FGF2: variants seen among roughly 807,000 people sequenced by gnomAD.
FGF2 encodes fibroblast growth factor 2, also known as basic fibroblast growth factor bFGF.
A neutral mutation model predicts 15.9 loss-of-function variants in FGF2; 13 were observed. The ratio of observed to expected loss-of-function variants is 0.82; its 90% CI spans 0.53 to 1.30. The LOEUF is 1.30. FGF2 is among the 50% of genes most tolerant of loss of function. FGF2 has a pLI of 0.00. For synonymous variants in FGF2, 90 were observed against 78.4 expected, an observed-to-expected ratio of 1.15 and a Z score of -0.78; for missense variants, 163 against 196.9, an observed-to-expected ratio of 0.83 and a Z score of 1.03.
At chr4:122,885,769 A>G (rs756254002) in intron 2 of FGF2, among the ~76,000 whole-genome samples, 13 of 152,012 alleles carry the variant, frequency 8.6e-5, no homozygotes, top group Admixed American at 3.3e-4. Context: ...CCAGGATACC[A>G]TATTTAGTCA....
chr4:122,892,194 C>G lies in FGF2; in HGVS notation c.283-17C>G. ...ATAATGATAATAATAACAGGTAATT[C>G]TTCCTTTATTTTTCAGAAATGTGTT... On this transcript the variant is annotated splice_polypyrimidine_tract_variant and intron_variant, in intron 2 of 2. Transcript: ENST00000644866. 1 of 1,577,288 alleles carries G rather than the reference C, an allele frequency of 6.3e-7. No individual in the cohort carries two copies. The highest frequency in any genetic ancestry group is 8.7e-7 in the Non-Finnish European group (1 of 1,146,762).
intron 1 of FGF2, among the ~76,000 whole-genome samples, chr4:122,866,367 CAA>C (rs60127443): frequency 7.6e-6 from 1 of 132,164 alleles, no homozygotes; most frequent in Non-Finnish European, 1.6e-5. Context: ...GACTCCGTCT[CAA>C]AAAAAAAAAA....
At chr4:122,841,577 T>C (rs1725984497) in intron 1 of FGF2, among the ~76,000 whole-genome samples, 1 of 152,234 alleles carries the variant, frequency 6.6e-6, no homozygotes, top group Non-Finnish European at 1.5e-5. Context: ...ACTGGAATTA[T>C]GCTTTTCCTC....
chr4:122,868,756 T>C (rs1259570720), intron 1 of FGF2, among the ~76,000 whole-genome samples: 1 of 152,242 alleles, frequency 6.6e-6, no homozygotes, highest in Non-Finnish European at 1.5e-5. Context: ...TGTTTCTATT[T>C]CTCCACAGCC....
intron 1 of FGF2, among the ~76,000 whole-genome samples, chr4:122,873,014 T>G (rs1268932397): frequency 6.6e-6 from 1 of 152,200 alleles, no homozygotes; most frequent in Non-Finnish European, 1.5e-5. Context: ...AGAATCAAAT[T>G]CACACATTTT....
chr4:122,875,634 C>T (rs1187307787), intron 1 of FGF2, among the ~76,000 whole-genome samples: 4 of 152,036 alleles, frequency 2.6e-5, no homozygotes, highest in African/African-American at 7.2e-5. Flanking sequence ...GGTGAAACCG[C>T]GTCTCTACTA....
At chr4:122,842,339 G>A (rs1726006082) in intron 1 of FGF2, among the ~76,000 whole-genome samples, 1 of 152,202 alleles carries the variant, frequency 6.6e-6, no homozygotes, top group African/African-American at 2.4e-5. Context: ...TGAGGAGAGG[G>A]TGCATAGCAT....
At chr4:122,866,365 C>CT (rs1383011857) in intron 1 of FGF2, among the ~76,000 whole-genome samples, 4 of 55,234 alleles carry the variant, frequency 7.2e-5, no homozygotes, top group Non-Finnish European at 1.3e-4. Context: ...GAGACTCCGT[C>CT]TCAAAAAAAA....
intron 1 of FGF2, among the ~76,000 whole-genome samples, chr4:122,866,375 A>AT (rs1726586858): frequency 6.9e-6 from 1 of 145,666 alleles, no homozygotes; most frequent in Admixed American, 6.8e-5. Context: ...CTCAAAAAAA[A>AT]AAAAAATAAA....
chr4:122,861,939 G>C (rs894980859), intron 1 of FGF2, among the ~76,000 whole-genome samples: 22 of 152,066 alleles, frequency 1.4e-4, no homozygotes, highest in Admixed American at 1.4e-3. Context: ...CTGCTTCCAG[G>C]AAACCTCTCT....
chr4:122,866,257 ACTCGGGAGGCTGAGG>A (rs984007822), intron 1 of FGF2, among the ~76,000 whole-genome samples: 4 of 151,906 alleles, frequency 2.6e-5, no homozygotes, highest in Middle Eastern at 3.4e-3. Flanking sequence ...AGTCCCAACT[ACTCGGGAGGCTGAGG>A]CAGGAGAATG....
rs919849869 is a variant in FGF2 at position 122,896,368 on chromosome 4, C to A, written c.*3972C>A. On this transcript the variant is annotated 3_prime_UTR_variant, in exon 3 of 3. Coordinates refer to ENST00000644866, the MANE Select transcript of FGF2 (RefSeq NM_001361665.2). ...CCATAAGAGTTCACATGAAAAAAAT[C>A]AATTTATTTGAAAAGGCAAGATGCA... 6.6e-6 allele frequency: 1 copy of A among 152,480 alleles called. No individual in the cohort carries two copies. Among genetic ancestry groups the A allele is most frequent in the Non-Finnish European group, 1.5e-5 (1 of 68,026 alleles). 9.4% of individuals were successfully genotyped at this position (152,480 alleles called of 1,614,324 possible).
rs1209097361 is a variant in FGF2, at chr4:122,896,578, ATCTT to A, written c.*4184_*4187del. 1 of 152,202 alleles carries A rather than the reference ATCTT, an allele frequency of 6.6e-6. No homozygotes were observed. The highest frequency in any genetic ancestry group is 1.5e-5 in the Non-Finnish European group (1 of 68,024). The allele number at this position is 152,202 out of a possible 1,614,324, so 9.4% of individuals were successfully genotyped here. On this transcript the variant is annotated 3_prime_UTR_variant, in exon 3 of 3. Transcript: ENST00000644866. ...TCAGCATTCACACCACTACAAAATC[ATCTT>A]TTATATCAACAGAAGAATAAGCATA...
At chr4:122,872,673 C>T (rs1235106953) in intron 1 of FGF2, among the ~76,000 whole-genome samples, 1 of 152,194 alleles carries the variant, frequency 6.6e-6, no homozygotes, top group Non-Finnish European at 1.5e-5. Flanking sequence ...TAACAGCAGA[C>T]CTCTCAGCAG....
At chr4:122,885,521 G>A (rs956009100) in intron 2 of FGF2, among the ~76,000 whole-genome samples, 3 of 152,104 alleles carry the variant, frequency 2.0e-5, no homozygotes, top group African/African-American at 7.2e-5. Flanking sequence ...TGTAGCCCTA[G>A]AGTCAGTTTT....
intron 1 of FGF2, among the ~76,000 whole-genome samples, chr4:122,859,666 A>ACACACGCACACG (rs1726422651): frequency 6.6e-6 from 1 of 152,124 alleles, no homozygotes; most frequent in African/African-American, 2.4e-5. Context: ...ACACACACAC[A>ACACACGCACACG]CACACACACA....
chr4:122,883,487 T>A (rs77632116), intron 2 of FGF2, among the ~76,000 whole-genome samples: 1 of 152,200 alleles, frequency 6.6e-6, no homozygotes, highest in Non-Finnish European at 1.5e-5. Flanking sequence ...CCAAAGCCTG[T>A]ATTTGGAAGC....
chr4:122,847,262 G>C (rs1016219676), intron 1 of FGF2, among the ~76,000 whole-genome samples: 1 of 152,182 alleles, frequency 6.6e-6, no homozygotes, highest in South Asian at 2.1e-4. Context: ...TATTCTTTGG[G>C]AATGTCCTCT....
chr4:122,858,293 G>A (rs1726380634), intron 1 of FGF2, among the ~76,000 whole-genome samples: 1 of 152,064 alleles, frequency 6.6e-6, no homozygotes, highest in Admixed American at 6.6e-5. Context: ...ATTTGTATCT[G>A]ATCTTTGTAA....
Sources: gnomAD v4.1 joint callset for allele counts (sites outside exome capture counted in the v4.1 genomes callset) on GRCh38, gnomAD v4.1.1 for gene constraint, MANE v1.5 for transcripts, NCBI Gene and HGNC (gene_info 2026-07-23, HGNC 2026-07-21) for gene names.